Variants in CLSTN2 observed in about 807,000 individuals in gnomAD.
CLSTN2 encodes the protein calsyntenin 2.
Under a neutral mutation model 101.2 loss-of-function variants are expected in CLSTN2, and 48 were observed. That is an observed-to-expected ratio of 0.47 (90% CI 0.38 to 0.60). The LOEUF (loss-of-function observed/expected upper bound fraction) is 0.60, where lower values mean the gene tolerates loss of function less well. CLSTN2 is among the 20% of genes least tolerant of loss of function. The pLI is 0.00. For missense variants in CLSTN2, 1,160 were observed against 1,238.2 expected, an observed-to-expected ratio of 0.94 and a Z score of 0.95; for synonymous variants, 481 against 463.6, an observed-to-expected ratio of 1.04 and a Z score of -0.48.
intron 1 of CLSTN2, among the ~76,000 whole-genome samples, chr3:140,097,446 T>G (rs1576425787): frequency 6.6e-6 from 1 of 152,300 alleles, no homozygotes; most frequent in South Asian, 2.1e-4. Flanking sequence ...ATAATAATGC[T>G]CACAGCAGCC....
chr3:140,079,754 AAAAAAAAGAAAG>A (rs1260292269), intron 1 of CLSTN2, among the ~76,000 whole-genome samples: 2 of 149,882 alleles, frequency 1.3e-5, no homozygotes, highest in Non-Finnish European at 3.0e-5. Context: ...ATGTCTCAAA[AAAAAAAAGAAAG>A]AAAAAAAAGA....
chr3:140,102,120 G>T (rs527855442), intron 1 of CLSTN2, among the ~76,000 whole-genome samples: 1 of 152,348 alleles, frequency 6.6e-6, no homozygotes, highest in East Asian at 1.9e-4. Context: ...TACAGAGGTT[G>T]CTGGCTGGCA....
At chr3:140,398,940 A>G (rs1282797181) in intron 2 of CLSTN2, among the ~76,000 whole-genome samples, 1 of 152,140 alleles carries the variant, frequency 6.6e-6, no homozygotes, top group Non-Finnish European at 1.5e-5. Context: ...GAGGGTCCGG[A>G]GTGGTCATGT....
intron 4 of CLSTN2, among the ~76,000 whole-genome samples, chr3:140,406,774 G>A (rs1197529904): frequency 3.3e-5 from 5 of 152,214 alleles, no homozygotes; most frequent in East Asian, 3.8e-4. Context: ...TGAATAGCAA[G>A]ACTAGACAAG....
intron 2 of CLSTN2, among the ~76,000 whole-genome samples, chr3:140,281,416 G>A (rs2086845680): frequency 6.6e-6 from 1 of 152,118 alleles, no homozygotes; most frequent in South Asian, 2.1e-4. Flanking sequence ...CATCACCTGT[G>A]GGGCAGCTGG....
chr3:140,144,482 G>C (rs1003016465), intron 1 of CLSTN2, among the ~76,000 whole-genome samples: 24 of 152,120 alleles, frequency 1.6e-4, no homozygotes, highest in Admixed American at 1.4e-3. Flanking sequence ...CGGGCATGGT[G>C]GTGGGTGCCT....
intron 1 of CLSTN2, among the ~76,000 whole-genome samples, chr3:140,155,970 A>T (rs2009947479): frequency 6.6e-6 from 1 of 151,354 alleles, no homozygotes; most frequent in South Asian, 2.1e-4. Flanking sequence ...TTTTTTTCCC[A>T]TTCAGACAGA....
intron 2 of CLSTN2, among the ~76,000 whole-genome samples, chr3:140,299,919 A>G (rs2087042555): frequency 6.6e-6 from 1 of 152,140 alleles, no homozygotes; most frequent in Non-Finnish European, 1.5e-5. Flanking sequence ...CTGTAATGCT[A>G]GTGTTTTTAT....
chr3:140,432,412 A>G (rs1364954552), intron 5 of CLSTN2, among the ~76,000 whole-genome samples: 3 of 152,182 alleles, frequency 2.0e-5, no homozygotes, highest in Non-Finnish European at 4.4e-5. Context: ...TCCTCAAATA[A>G]TTGGAAAAAT....
intron 2 of CLSTN2, among the ~76,000 whole-genome samples, chr3:140,314,458 T>C (rs2087207617): frequency 6.6e-6 from 1 of 152,168 alleles, no homozygotes; most frequent in African/African-American, 2.4e-5. Flanking sequence ...GGATGAGAGC[T>C]GCTAACTCTC....
At chr3:140,020,475 C>G (rs2007291230) in intron 1 of CLSTN2, among the ~76,000 whole-genome samples, 1 of 152,214 alleles carries the variant, frequency 6.6e-6, no homozygotes, top group Admixed American at 6.5e-5. Flanking sequence ...CTACCTCTCT[C>G]TTTCTACCCC....
At chr3:140,107,453 G>A (rs2009078786) in intron 1 of CLSTN2, among the ~76,000 whole-genome samples, 1 of 152,146 alleles carries the variant, frequency 6.6e-6, no homozygotes, top group East Asian at 1.9e-4. Context: ...TTGCAGGGTG[G>A]ATTTTCAGGG....
At chr3:140,426,805 T>C (rs946039733) in intron 5 of CLSTN2, among the ~76,000 whole-genome samples, 9 of 152,214 alleles carry the variant, frequency 5.9e-5, no homozygotes, top group Non-Finnish European at 4.4e-5. Flanking sequence ...AGTACTGTTT[T>C]CACTTTTACT....
intron 1 of CLSTN2, among the ~76,000 whole-genome samples, chr3:140,071,880 C>A (rs929782860): frequency 2.6e-4 from 38 of 144,174 alleles, no homozygotes; most frequent in Non-Finnish European, 4.2e-4. Context: ...AAACACCAAA[C>A]ATGAAAAAAT....
chr3:140,028,241 T>C lies in CLSTN2; in HGVS notation c.109+92758T>C, dbSNP rs138997035. Among the ~76,000 whole-genome samples the C allele has an allele frequency of 1.1e-3, 172 of 152,216 alleles. 3 individuals are homozygous for C. Among genetic ancestry groups the C allele is most frequent in the African/African-American group, 3.9e-3 (164 of 41,546 alleles). ...GTAGAAGCTTGTCCTGGTCTCAAGG[T>C]TGTGCTGTCCATTCCCAGCAAGTGG... On this transcript the variant is annotated intron_variant, in intron 1 of 16. Coordinates refer to ENST00000458420, the MANE Select transcript of CLSTN2 (RefSeq NM_022131.3).
intron 10 of CLSTN2, among the ~76,000 whole-genome samples, chr3:140,548,929 G>A (rs1318581421): frequency 6.6e-6 from 1 of 150,784 alleles, no homozygotes; most frequent in African/African-American, 2.4e-5. Context: ...TCATGGCAAG[G>A]CAAGATTGAC....
intron 1 of CLSTN2, among the ~76,000 whole-genome samples, chr3:140,061,074 AG>A (rs373050066): frequency 3.2e-4 from 49 of 152,318 alleles, no homozygotes; most frequent in Middle Eastern, 3.4e-3. Context: ...CCAGAAAGCA[AG>A]ATTCCTCGAG....
chr3:140,527,314 A>C (rs1354839158), intron 8 of CLSTN2, among the ~76,000 whole-genome samples: 4 of 152,224 alleles, frequency 2.6e-5, no homozygotes, highest in Admixed American at 2.6e-4. Flanking sequence ...TGGCCAACAA[A>C]AATATGAAAA....
intron 2 of CLSTN2, among the ~76,000 whole-genome samples, chr3:140,350,419 G>A (rs2087593107): frequency 6.6e-6 from 1 of 152,214 alleles, no homozygotes; most frequent in Non-Finnish European, 1.5e-5. Flanking sequence ...GTCAAAGAGT[G>A]AGGAATTAGA....
Sources: allele counts gnomAD v4.1 joint callset (sites outside exome capture counted in the v4.1 genomes callset), GRCh38; gene constraint gnomAD v4.1.1; transcripts MANE v1.5; gene names NCBI Gene and HGNC (gene_info 2026-07-23, HGNC 2026-07-21).